HSDL2: variants seen among roughly 807,000 people sequenced by gnomAD.
The protein encoded by HSDL2 is hydroxysteroid dehydrogenase-like protein 2.
Under a neutral mutation model 46.3 loss-of-function variants are expected in HSDL2, and 27 were observed. The observed-to-expected ratio is 0.58, with a 90% CI of 0.43 to 0.80. The LOEUF (loss-of-function observed/expected upper bound fraction) is 0.80, where lower values mean the gene tolerates loss of function less well. Among genes scored for constraint, HSDL2 ranks in the 30% least tolerant of loss-of-function variants. HSDL2 has a pLI of 0.00. For missense variants in HSDL2, 451 were observed against 502.7 expected (o/e 0.90, Z 0.98); for synonymous variants, 153 against 163.6 (o/e 0.94, Z 0.50).
chr9:112,443,837 C>T (rs1000186045), intron 8 of HSDL2, among the ~76,000 whole-genome samples: 2 of 152,190 alleles, frequency 1.3e-5, no homozygotes, highest in African/African-American at 4.8e-5. Context: ...TTGATCAGCA[C>T]ATTCTCTTCC....
chr9:112,403,489 G>A (rs118001746), intron 1 of HSDL2, among the ~76,000 whole-genome samples: 10 of 152,306 alleles, frequency 6.6e-5, no homozygotes, highest in Admixed American at 4.6e-4. Flanking sequence ...GCTGATGGAC[G>A]TTTGAGTTGT....
chr9:112,390,216 C>T lies in HSDL2; in HGVS notation c.17+10036C>T, dbSNP rs544784495. On this transcript the variant is annotated intron_variant, in intron 1 of 10. Coordinates refer to ENST00000398805, the MANE Select transcript of HSDL2 (RefSeq NM_032303.5). ...TTATCAGTTATTAAGACTGATAAAG[C>T]TGTTTTAATTAAGGCAGTGTGATCA... Among the ~76,000 whole-genome samples the T allele has an allele frequency of 3.1e-4, 47 of 152,020 alleles. No individual in the cohort carries two copies. The South Asian group carries it at 9.8e-3, about 32-fold the overall frequency.
chr9:112,455,612 C>A (rs541747932), intron 9 of HSDL2, among the ~76,000 whole-genome samples: 6 of 152,196 alleles, frequency 3.9e-5, no homozygotes, highest in African/African-American at 1.4e-4. Flanking sequence ...TTGACTATTG[C>A]CCCGCTTCAG....
At position 112,442,360 on chromosome 9, in the gene HSDL2, T is replaced by A. The variant is rs551422054; in HGVS notation, c.865+590T>A. 7.2e-5 allele frequency among the ~76,000 whole-genome samples: 11 copies of A among 151,942 alleles called. No homozygotes were observed. In the South Asian group the frequency reaches 1.0e-3, roughly 14 times the overall value. ...AAGTCTGAAAAAACTTTTTTTTAGG[T>A]TTTATTTATTTTCTTTTGCACTGTC... On this transcript the variant is annotated intron_variant, in intron 8 of 10. Transcript: ENST00000398805.
At chr9:112,430,046 T>C (rs10981404) in intron 6 of HSDL2, among the ~76,000 whole-genome samples, 84,638 of 151,034 alleles carry the variant, frequency 0.56, 23,798 homozygotes, top group African/African-American at 0.61. Context: ...ATCATACCAC[T>C]GCACTCCAGC....
chr9:112,381,088 TACAC>T (rs111459650), intron 1 of HSDL2, among the ~76,000 whole-genome samples: 3 of 134,250 alleles, frequency 2.2e-5, no homozygotes, highest in East Asian at 2.0e-4. Context: ...TACATCCGGA[TACAC>T]ACACACACAC....
chr9:112,444,440 T>G (rs1394822941), intron 8 of HSDL2, among the ~76,000 whole-genome samples: 1 of 151,942 alleles, frequency 6.6e-6, no homozygotes, highest in Non-Finnish European at 1.5e-5. Context: ...TTTCTTCCCA[T>G]CTTAAAAGCA....
intron 10 of HSDL2, among the ~76,000 whole-genome samples, chr9:112,467,519 T>G (rs1468555304): frequency 6.6e-6 from 1 of 152,204 alleles, no homozygotes; most frequent in Non-Finnish European, 1.5e-5. Context: ...GTACCTGGAC[T>G]TAAATGCCAC....
At chr9:112,429,269 ATTCAG>A (rs367869619) in intron 6 of HSDL2, among the ~76,000 whole-genome samples, 20 of 152,352 alleles carry the variant, frequency 1.3e-4, no homozygotes, top group Admixed American at 2.0e-4. Context: ...TCTCTGCACT[ATTCAG>A]TTGTTATGCA....
intron 3 of HSDL2, among the ~76,000 whole-genome samples, chr9:112,405,976 C>T (rs1191883659): frequency 1.3e-5 from 2 of 152,030 alleles, no homozygotes; most frequent in Non-Finnish European, 2.9e-5. Flanking sequence ...GCCTGGCCAA[C>T]ATGGTGAAAC....
At chr9:112,411,404 GTGGCTCATGCTTGTAAT>G (rs1258943237) in intron 4 of HSDL2, among the ~76,000 whole-genome samples, 2 of 152,240 alleles carry the variant, frequency 1.3e-5, no homozygotes, top group Non-Finnish European at 2.9e-5. Context: ...GCTGGGCACA[GTGGCTCATGCTTGTAAT>G]CCCAGCACTT....
In HSDL2 at chr9:112,470,795, C is replaced by A. The variant is rs1423901916; in HGVS notation, c.*251C>A. The A allele has an allele frequency of 4.0e-6, 1 of 247,144 alleles. No individual in the cohort carries two copies. Among genetic ancestry groups the A allele is most frequent in the Admixed American group, 5.4e-5 (1 of 18,666 alleles). 15.3% of individuals were successfully genotyped at this position (247,144 alleles called of 1,614,324 possible). A position where few individuals can be genotyped will look rare whatever the true frequency, so the allele number is the denominator to read the frequency against. On this transcript the variant is annotated 3_prime_UTR_variant, in exon 11 of 11. Transcript: ENST00000398805. ...ATTTCAAGGGTTTAACCCTTTGAGCCTTACATCTCATTCACTGTCTTTCTC... is the reference window on the plus strand; with the variant it reads ...ATTTCAAGGGTTTAACCCTTTGAGCATTACATCTCATTCACTGTCTTTCTC...
At chr9:112,458,318 TTC>T (rs1554715587) in intron 9 of HSDL2, among the ~76,000 whole-genome samples, 1 of 8,478 alleles carries the variant, frequency 1.2e-4, no homozygotes, top group Non-Finnish European at 1.9e-4. Flanking sequence ...TAACCACTTC[TTC>T]TTTTTTTTTT....
intron 7 of HSDL2, among the ~76,000 whole-genome samples, chr9:112,440,940 A>G (rs1216936919): frequency 1.3e-5 from 2 of 152,212 alleles, no homozygotes; most frequent in Non-Finnish European, 2.9e-5. Flanking sequence ...CCTGGGAGGC[A>G]GAGGGTGCCA....
chr9:112,392,542 G>A (rs1831368846), intron 1 of HSDL2, among the ~76,000 whole-genome samples: 1 of 152,034 alleles, frequency 6.6e-6, no homozygotes, highest in South Asian at 2.1e-4. Context: ...CTTTTCCAGG[G>A]TATTAATATT....
At chr9:112,466,972 A>T (rs534306951) in intron 10 of HSDL2, among the ~76,000 whole-genome samples, 2 of 152,334 alleles carry the variant, frequency 1.3e-5, no homozygotes, top group African/African-American at 4.8e-5. Context: ...GTTGAAGATC[A>T]GTTGACTATA....
At chr9:112,450,646 T>G (rs1423090332) in intron 8 of HSDL2, among the ~76,000 whole-genome samples, 1 of 121,026 alleles carries the variant, frequency 8.3e-6, no homozygotes, top group Non-Finnish European at 1.8e-5. Flanking sequence ...AAAAAAAGTA[T>G]AGAACAGCTC....
chr9:112,443,989 T>C (rs1211775594), intron 8 of HSDL2, among the ~76,000 whole-genome samples: 1 of 152,236 alleles, frequency 6.6e-6, no homozygotes, highest in African/African-American at 2.4e-5. Flanking sequence ...ACTTTGCCTA[T>C]AGCCATCTCC....
intron 1 of HSDL2, among the ~76,000 whole-genome samples, chr9:112,396,764 A>T (rs1465648547): frequency 6.6e-6 from 1 of 152,136 alleles, no homozygotes; most frequent in Non-Finnish European, 1.5e-5. Context: ...ATTTAGAGGA[A>T]TGGTACTACA....
Sources: gnomAD v4.1 joint callset for allele counts (sites outside exome capture counted in the v4.1 genomes callset) on GRCh38, gnomAD v4.1.1 for gene constraint, MANE v1.5 for transcripts, NCBI Gene and HGNC (gene_info 2026-07-23, HGNC 2026-07-21) for gene names.